Variants in GRID2IP observed in about 807,000 individuals in gnomAD.
GRID2IP encodes Grid2 interacting protein.
A neutral mutation model predicts 114.3 loss-of-function variants in GRID2IP; 78 were observed. That is an observed-to-expected ratio of 0.68 (90% CI 0.57 to 0.82). The LOEUF is 0.82. Ranked by LOEUF, GRID2IP falls within the 40% of genes least tolerant of loss-of-function variation. The pLI, the probability that GRID2IP is intolerant of heterozygous loss-of-function variation, is 0.00. For missense variants in GRID2IP, 1,727 were observed against 1,678.5 expected, an observed-to-expected ratio of 1.03 and a Z score of -0.51; for synonymous variants, 809 against 724.0, an observed-to-expected ratio of 1.12 and a Z score of -1.89.
intron 20 of GRID2IP, among the ~76,000 whole-genome samples, chr7:6,499,919 C>T (rs1206185003): frequency 6.6e-6 from 1 of 151,822 alleles, no homozygotes; most frequent in African/African-American, 2.4e-5. Context: ...TCTGTAGAGA[C>T]GCGGTCCCCC....
intron 2 of GRID2IP, among the ~76,000 whole-genome samples, chr7:6,527,598 G>A (rs1056302352): frequency 1.3e-4 from 20 of 152,082 alleles, no homozygotes; most frequent in Non-Finnish European, 1.9e-4. Context: ...TGTCTCTCTC[G>A]TTCTCTTGAG....
intron 7 of GRID2IP, among the ~76,000 whole-genome samples, chr7:6,514,873 G>T (rs1779262582): frequency 6.6e-6 from 1 of 150,790 alleles, no homozygotes; most frequent in Non-Finnish European, 1.5e-5. Flanking sequence ...AATTGCTTGA[G>T]CCTGGGAAGT....
rs1043581568 is a variant in GRID2IP, at chr7:6,509,615, G to A, written c.1772-302C>T. Among the ~76,000 whole-genome samples, 1 of 152,152 alleles carries A rather than the reference G, an allele frequency of 6.6e-6. No individual in the cohort carries two copies. The highest frequency in any genetic ancestry group is 1.5e-5 in the Non-Finnish European group (1 of 68,024). On this transcript the variant is annotated intron_variant, in intron 11 of 21. Coordinates refer to ENST00000457091, the MANE Select transcript of GRID2IP (RefSeq NM_001145118.2). The surrounding 1 kb of genome is among the most constrained non-coding windows in gnomAD (Gnocchi z 4.9). ...CACCATTAACTCAAAGGGTGGAGGG[G>A]TTTCTCTAGGGCCCAGAGCCACAGT...
At chr7:6,499,663 T>G (rs1245930833) in intron 20 of GRID2IP, among the ~76,000 whole-genome samples, 2 of 152,128 alleles carry the variant, frequency 1.3e-5, no homozygotes, top group East Asian at 3.9e-4. Flanking sequence ...ACTCCTGACC[T>G]CAGGTGATCT....
Position 6,528,643 on chromosome 7 carries a change from G to A in GRID2IP, c.585-1874C>T, listed in dbSNP as rs895892166. On this transcript the variant is annotated intron_variant, in intron 2 of 21. Transcript: ENST00000457091. This position sits in a 1 kb window ranked among gnomAD's most constrained non-coding sequence, Gnocchi z 6.0. ...CAGCTGAAAGACAAACCCCTCTGAGGTGTCCCAGCGGCCCTCACACTTCCC... is the reference window on the plus strand; with the variant it reads ...CAGCTGAAAGACAAACCCCTCTGAGATGTCCCAGCGGCCCTCACACTTCCC... Among the ~76,000 whole-genome samples, 4 of 152,188 alleles carry A rather than the reference G, an allele frequency of 2.6e-5. No individual in the cohort carries two copies. The highest frequency in any genetic ancestry group is 4.4e-5 in the Non-Finnish European group (3 of 68,034).
chr7:6,502,769 C>A lies in GRID2IP; in HGVS notation c.3150+17G>T. On this transcript the variant is annotated intron_variant, in intron 18 of 21. Coordinates refer to ENST00000457091, the MANE Select transcript of GRID2IP (RefSeq NM_001145118.2). The stretch of plus-strand genomic sequence containing the variant: ...GGTAGAGCAAACCAGTCGATTGCTG[C>A]CGGCAGGTCCCCTCACCTCTGTCAG... 6.5e-7 allele frequency: 1 copy of A among 1,539,838 alleles called. No homozygotes were observed. The highest frequency in any genetic ancestry group is 8.8e-7 in the Non-Finnish European group (1 of 1,136,130).
chr7:6,526,577 G>GGGCGGCTCATCGGGGCGGCGCGGC lies in GRID2IP; in HGVS notation c.753_776dup (p.Pro255_Arg262dup). ...CCACCAGCAAGGAGGCCCTGCGCGG[G>GGGCGGCTCATCGGGGCGGCGCGGC]GGCGGCTCATCGGGGCGGCGCGGCG... On this transcript the variant is annotated inframe_insertion, in exon 3 of 22. Coordinates refer to ENST00000457091, the MANE Select transcript of GRID2IP (RefSeq NM_001145118.2). This position sits in a 1 kb window ranked among gnomAD's most constrained non-coding sequence, Gnocchi z 7.6. 1 of 1,201,912 alleles carries GGGCGGCTCATCGGGGCGGCGCGGC rather than the reference G, an allele frequency of 8.3e-7. No homozygotes were observed. The highest frequency in any genetic ancestry group is 1.0e-6 in the Non-Finnish European group (1 of 969,590). 74.5% of individuals were successfully genotyped at this position (1,201,912 alleles called of 1,614,324 possible). A position where few individuals can be genotyped will look rare whatever the true frequency, so the allele number is the denominator to read the frequency against.
In GRID2IP at chr7:6,509,999, T is replaced by G. The variant is rs965532497; in HGVS notation, c.1771+284A>C. 6.6e-6 allele frequency among the ~76,000 whole-genome samples: 1 copy of G among 152,176 alleles called. No homozygotes were observed. The highest frequency in any genetic ancestry group is 2.1e-4 in the South Asian group (1 of 4,832). ...ATATGCAACCATGCCCAGCTAATTT[T>G]GTATTTTTTTTGTTAGAGATGGGGC... On this transcript the variant is annotated intron_variant, in intron 11 of 21. Transcript: ENST00000457091. The surrounding 1 kb of genome is among the most constrained non-coding windows in gnomAD (Gnocchi z 4.9).
intron 1 of GRID2IP, among the ~76,000 whole-genome samples, chr7:6,550,398 T>C (rs2115105537): frequency 6.6e-6 from 1 of 152,214 alleles, no homozygotes; most frequent in African/African-American, 2.4e-5. Context: ...TTATTTTATA[T>C]ATTGATCAAG....
Position 6,526,282 on chromosome 7 carries a change from CTT to C in GRID2IP, c.859_860del (p.Lys287GlufsTer24), listed in dbSNP as rs1175858110. 6 of 1,551,892 alleles carry C rather than the reference CTT, an allele frequency of 3.9e-6. No individual in the cohort carries two copies. The highest frequency in any genetic ancestry group is 5.2e-6 in the Non-Finnish European group (6 of 1,147,060). On this transcript the variant is annotated frameshift_variant, in exon 4 of 22. Transcript: ENST00000457091. LOFTEE classifies it high-confidence loss of function. The surrounding 1 kb of genome is among the most constrained non-coding windows in gnomAD (Gnocchi z 7.6). ...RRTVRVYKGN[K>X]SFGFTLRGHG... ...GGCCGCGAAGTGTGAAGCCGAAGCT[CTT>C]GTTGCCTTTGTAGACTCGGACAGTC...
intron 1 of GRID2IP, among the ~76,000 whole-genome samples, chr7:6,540,511 T>C (rs1779798905): frequency 6.6e-6 from 1 of 151,486 alleles, no homozygotes; most frequent in Non-Finnish European, 1.5e-5. Context: ...TAATTTTTAA[T>C]TTATTGTTAT....
In GRID2IP at chr7:6,521,749, A is replaced by G; in HGVS notation, c.989+139T>C. On this transcript the variant is annotated intron_variant, in intron 5 of 21. Transcript: ENST00000457091. The surrounding 1 kb of genome is among the most constrained non-coding windows in gnomAD (Gnocchi z 4.1). ...AGGAGGGTTAGATTCAAGAGTTCCC[A>G]TTGGAAGAGGGACAGACCCTGGGGA... is the stretch of plus-strand genomic sequence containing the variant. 1 of 710,694 alleles carries G rather than the reference A, an allele frequency of 1.4e-6. No individual in the cohort carries two copies. The allele number at this position is 710,694 out of a possible 1,614,324, so 44.0% of individuals were successfully genotyped here. A position where few individuals can be genotyped will look rare whatever the true frequency, so the allele number is the denominator to read the frequency against.
In GRID2IP at chr7:6,507,260, C is replaced by T. The variant is rs62441272; in HGVS notation, c.2544+725G>A. Among the ~76,000 whole-genome samples, 15,214 of 152,206 alleles carry T rather than the reference C, an allele frequency of 0.1. 942 individuals carry two copies. Among genetic ancestry groups the T allele is most frequent in the Admixed American group, 0.17 (2,531 of 15,278 alleles). On this transcript the variant is annotated intron_variant, in intron 13 of 21. Transcript: ENST00000457091. This position sits in a 1 kb window ranked among gnomAD's most constrained non-coding sequence, Gnocchi z 5.3. The stretch of plus-strand genomic sequence containing the variant: ...ATGTCCCAGTCAAAGGAGCTGAGAA[C>T]CCTGTTCTCTCCTCTGAGCTGGTCA...
chr7:6,514,381 T>C lies in GRID2IP; in HGVS notation c.1417A>G (p.Met473Val), dbSNP rs1779249028. The change falls in exon 8 of 22, where the codon ATG (methionine) becomes GTG (valine). Residue 473 changes from methionine to valine, a missense_variant. Transcript: ENST00000457091. Reference sequence around the variant, plus strand: ...CAGGGGAGAGGACGCTTACCTGTCATGGCCGTGTAGCCCAGGAAGCATGCG... The same window carrying C: ...CAGGGGAGAGGACGCTTACCTGTCACGGCCGTGTAGCCCAGGAAGCATGCG... Reference protein sequence around the residue: ...KIACFLGYTAMTAEPEPELDL... With the variant: ...KIACFLGYTAVTAEPEPELDL... 6.6e-7 allele frequency: 1 copy of C among 1,519,928 alleles called. No individual in the cohort carries two copies. Among genetic ancestry groups the C allele is most frequent in the Admixed American group, 2.1e-5 (1 of 48,734 alleles). 94.2% of individuals were successfully genotyped at this position (1,519,928 alleles called of 1,614,324 possible). A position where few individuals can be genotyped will look rare whatever the true frequency, so the allele number is the denominator to read the frequency against.
Position 6,506,640 on chromosome 7 carries a change from G to T in GRID2IP, c.2545-733C>A, listed in dbSNP as rs901870002. Among the ~76,000 whole-genome samples the T allele has an allele frequency of 2.6e-5, 4 of 151,790 alleles. No individual in the cohort carries two copies. Among genetic ancestry groups the T allele is most frequent in the Non-Finnish European group, 4.4e-5 (3 of 67,990 alleles). ...GCTGGCAGGAGTGAGGTCTCCAGGGGACCCAGGAGGTCCTTATTTGTGCCC... is the reference window on the plus strand; with the variant it reads ...GCTGGCAGGAGTGAGGTCTCCAGGGTACCCAGGAGGTCCTTATTTGTGCCC... On this transcript the variant is annotated intron_variant, in intron 13 of 21. Coordinates refer to ENST00000457091, the MANE Select transcript of GRID2IP (RefSeq NM_001145118.2). The surrounding 1 kb of genome is among the most constrained non-coding windows in gnomAD (Gnocchi z 5.2).
At chr7:6,503,444 C>A in intron 16 of GRID2IP, 47 bp downstream of exon 16, 1 of 1,456,004 alleles carries the variant, frequency 6.9e-7, no homozygotes, top group South Asian at 1.3e-5. Flanking sequence ...AGCGACAGCC[C>A]CTGTGGAGCC....
Position 6,507,933 on chromosome 7 carries a change from C to T in GRID2IP, c.2544+52G>A. ...GATGGGTTTTCCTTCAGTGCTGCTGCCCAAGCCATCCTCCCCCAGTACAGA... is the reference window on the plus strand; with the variant it reads ...GATGGGTTTTCCTTCAGTGCTGCTGTCCAAGCCATCCTCCCCCAGTACAGA... On this transcript the variant is annotated intron_variant, in intron 13 of 21. Transcript: ENST00000457091. This position sits in a 1 kb window ranked among gnomAD's most constrained non-coding sequence, Gnocchi z 5.3. The T allele has an allele frequency of 1.3e-6, 2 of 1,540,274 alleles. No individual in the cohort carries two copies. Among genetic ancestry groups the T allele is most frequent in the Non-Finnish European group, 1.8e-6 (2 of 1,142,734 alleles).
chr7:6,550,976 T>TTC, intron 1 of GRID2IP, 32 bp downstream of exon 1: 2 of 1,015,786 alleles, frequency 2.0e-6, no homozygotes, highest in Non-Finnish European at 2.5e-6. Context: ...GCCCCCTCCT[T>TTC]CCCGCCCCCA....
Position 6,526,348 on chromosome 7 carries a change from G to C in GRID2IP, c.834-39C>G, listed in dbSNP as rs1362491929. On this transcript the variant is annotated intron_variant, in intron 3 of 21. Coordinates refer to ENST00000457091, the MANE Select transcript of GRID2IP (RefSeq NM_001145118.2). This position sits in a 1 kb window ranked among gnomAD's most constrained non-coding sequence, Gnocchi z 7.6. ...AAGGGGCGAGCAGCATGATGGAGAG[G>C]GGGCCCTGGGGCGCAGAGGTTGGAG... is the stretch of plus-strand genomic sequence containing the variant. The C allele has an allele frequency of 1.4e-5, 21 of 1,533,652 alleles. 1 individual carries two copies. The Admixed American group carries it at 4.1e-4, about 30-fold the overall frequency.
Sources: gnomAD v4.1 joint callset for allele counts (sites outside exome capture counted in the v4.1 genomes callset) on GRCh38, gnomAD v4.1.1 for gene constraint, Gnocchi (gnomAD v3.1) non-coding constraint, MANE v1.5 for transcripts, NCBI Gene and HGNC (gene_info 2026-07-23, HGNC 2026-07-21) for gene names.